The following OGDH variants were observed in gnomAD, a reference collection of about 807,000 sequenced individuals.
The protein encoded by OGDH is 2-oxoglutarate dehydrogenase complex component E1.
Under a neutral mutation model 116.6 loss-of-function variants are expected in OGDH, and 38 were observed. The observed-to-expected ratio is 0.33, with a 90% CI of 0.25 to 0.43. OGDH has a LOEUF of 0.43. OGDH is among the 20% of genes least tolerant of loss of function. OGDH has a pLI of 1.00. For synonymous variants in OGDH, 488 were observed against 533.3 expected (o/e 0.92, Z 1.17); for missense variants, 825 against 1,357.2 (o/e 0.61, Z 6.16).
At chr7:44,607,956 C>T (rs914096523) in intron 1 of OGDH, among the ~76,000 whole-genome samples, 4 of 152,116 alleles carry the variant, frequency 2.6e-5, no homozygotes, top group African/African-American at 9.7e-5. Flanking sequence ...CCCGCCTCGG[C>T]CCCCAAAGTG....
At chr7:44,686,816 T>C (rs1443828478) in intron 10 of OGDH, among the ~76,000 whole-genome samples, 1 of 150,984 alleles carries the variant, frequency 6.6e-6, no homozygotes, top group Non-Finnish European at 1.5e-5. Context: ...GCCTCCTGAG[T>C]AGCTGTGACT....
rs971139963 is a variant in OGDH, at chr7:44,694,065, C to T, written c.1515+61C>T. On this transcript the variant is annotated intron_variant, in intron 11 of 22. Transcript: ENST00000222673. The surrounding 1 kb of genome is among the most constrained non-coding windows in gnomAD (Gnocchi z 4.2). ...GCATCTGACCCACCCCTCTTGCCCT[C>T]GGCACCCCTGTGTCCCAAGGAGAGG... 6.6e-6 allele frequency: 10 copies of T among 1,522,120 alleles called. No homozygotes were observed. The highest frequency in any genetic ancestry group is 2.3e-5 in the East Asian group (1 of 43,036). 94.3% of individuals were successfully genotyped at this position (1,522,120 alleles called of 1,614,324 possible). A position where few individuals can be genotyped will look rare whatever the true frequency, so the allele number is the denominator to read the frequency against.
At chr7:44,701,731 G>A in intron 20 of OGDH, 116 bp downstream of exon 20, 1 of 1,065,754 alleles carries the variant, frequency 9.4e-7, no homozygotes, top group Non-Finnish European at 1.4e-6. Context: ...GCTCTTGCCA[G>A]ATTTTTGGTT....
chr7:44,613,867 C>T (rs192847000), intron 1 of OGDH, among the ~76,000 whole-genome samples: 2 of 136,996 alleles, frequency 1.5e-5, no homozygotes, highest in Non-Finnish European at 3.0e-5. Context: ...AGTGCCATGG[C>T]GTGATCTCAG....
chr7:44,607,137 G>T (rs550704274), intron 1 of OGDH, among the ~76,000 whole-genome samples: 53 of 152,344 alleles, frequency 3.5e-4, no homozygotes, highest in Admixed American at 2.6e-3. Context: ...AGACAGTGTG[G>T]CCTGCTCGAG....
intron 5 of OGDH, among the ~76,000 whole-genome samples, chr7:44,667,505 C>T (rs1306698430): frequency 5.9e-5 from 9 of 152,330 alleles, no homozygotes. Flanking sequence ...CTCTGTTCCT[C>T]TCATCCTTGT....
chr7:44,682,849 T>G (rs549730262), intron 10 of OGDH, among the ~76,000 whole-genome samples: 2 of 151,042 alleles, frequency 1.3e-5, no homozygotes, highest in South Asian at 4.2e-4. Flanking sequence ...TGAGACCCTG[T>G]CTTGAAAAAA....
chr7:44,700,072 G>A, intron 18 of OGDH, 69 bp from the exon 19 acceptor site: 2 of 1,538,888 alleles, frequency 1.3e-6, no homozygotes, highest in South Asian at 1.2e-5. Flanking sequence ...GATCACCTGA[G>A]GGCCCCCACA....
At chr7:44,611,403 G>C (rs556598537) in intron 1 of OGDH, among the ~76,000 whole-genome samples, 1 of 151,896 alleles carries the variant, frequency 6.6e-6, no homozygotes, top group Non-Finnish European at 1.5e-5. Flanking sequence ...TGAGTAGCTG[G>C]GACTACAGGT....
chr7:44,702,659 C>G (rs1288046360), intron 20 of OGDH, among the ~76,000 whole-genome samples: 1 of 152,120 alleles, frequency 6.6e-6, no homozygotes, highest in Non-Finnish European at 1.5e-5. Flanking sequence ...GTGGCACAAT[C>G]TCGACTCACT....
At chr7:44,616,663 G>A (rs915106231) in intron 1 of OGDH, among the ~76,000 whole-genome samples, 22 of 143,746 alleles carry the variant, frequency 1.5e-4, no homozygotes, top group Admixed American at 9.8e-4. Context: ...ATATATATAC[G>A]TATATACGTA....
At chr7:44,622,333 C>T (rs921511929) in intron 1 of OGDH, among the ~76,000 whole-genome samples, 2 of 151,850 alleles carry the variant, frequency 1.3e-5, no homozygotes, top group Non-Finnish European at 2.9e-5. Flanking sequence ...GAAGAACTAC[C>T]GAATTAACTT....
intron 20 of OGDH, among the ~76,000 whole-genome samples, chr7:44,703,365 A>T (rs567430497): frequency 6.7e-6 from 1 of 148,298 alleles, no homozygotes; most frequent in Admixed American, 6.7e-5. Flanking sequence ...CTGAGATTGC[A>T]CCACTGCACT....
chr7:44,642,815 G>C (rs59247548), intron 2 of OGDH, among the ~76,000 whole-genome samples: 2 of 151,658 alleles, frequency 1.3e-5, no homozygotes, highest in African/African-American at 4.8e-5. Flanking sequence ...CCAGCTACTC[G>C]GGAGGCTGAG....
intron 10 of OGDH, among the ~76,000 whole-genome samples, chr7:44,691,336 C>A (rs1424446353): frequency 6.6e-6 from 1 of 151,960 alleles, no homozygotes; most frequent in Non-Finnish European, 1.5e-5. Context: ...CCAGCCTGGG[C>A]AACAAAGTGA....
At chr7:44,675,629 A>G (rs1787658029) in intron 8 of OGDH, among the ~76,000 whole-genome samples, 1 of 152,072 alleles carries the variant, frequency 6.6e-6, no homozygotes, top group South Asian at 2.1e-4. Flanking sequence ...CGTAACCCCA[A>G]CACTTTGGGA....
At chr7:44,627,574 G>A (rs1785256760) in intron 2 of OGDH, among the ~76,000 whole-genome samples, 1 of 152,188 alleles carries the variant, frequency 6.6e-6, no homozygotes, top group Admixed American at 6.5e-5. Flanking sequence ...AGAGCTTATG[G>A]GGGGCTGCAA....
chr7:44,619,526 A>G (rs566036007), intron 1 of OGDH, among the ~76,000 whole-genome samples: 1 of 152,232 alleles, frequency 6.6e-6, no homozygotes, highest in Non-Finnish European at 1.5e-5. Flanking sequence ...TTTACTGAGC[A>G]TAATGTTTTC....
At chr7:44,621,486 A>T (rs1197150306) in intron 1 of OGDH, among the ~76,000 whole-genome samples, 2 of 152,228 alleles carry the variant, frequency 1.3e-5, no homozygotes, top group Non-Finnish European at 2.9e-5. Flanking sequence ...AAGTGTGGAC[A>T]GCAAATAGCT....
Sources: allele counts gnomAD v4.1 joint callset (sites outside exome capture counted in the v4.1 genomes callset), GRCh38; gene constraint gnomAD v4.1.1; non-coding constraint Gnocchi (gnomAD v3.1); transcripts MANE v1.5; gene names NCBI Gene and HGNC (gene_info 2026-07-23, HGNC 2026-07-21).